TBL1Y: variants seen among roughly 807,000 people sequenced by gnomAD.
The protein encoded by TBL1Y is transducin beta like 1 Y-linked.
Under a neutral mutation model 12.0 loss-of-function variants are expected in TBL1Y, and 15 were observed. That is an observed-to-expected ratio of 1.25 (90% CI 0.83 to 1.92). TBL1Y has a LOEUF of 1.92. Among genes scored for constraint, TBL1Y ranks in the 40% most tolerant of loss-of-function variants. The pLI is 0.00. For synonymous variants in TBL1Y, 53 were observed against 42.6 expected (o/e 1.24, Z -0.95); for missense variants, 148 against 116.7 (o/e 1.27, Z -1.24).
At chrY:6,979,836 C>G in intron 3 of TBL1Y, among the ~76,000 whole-genome samples, 1 of 33,407 alleles carries the variant, frequency 3.0e-5, no homozygotes, top group Non-Finnish European at 7.4e-5. Context: ...CGCCACCACA[C>G]CCACCTAATT....
chrY:6,941,837 C>T, intron 2 of TBL1Y, among the ~76,000 whole-genome samples: 1 of 32,914 alleles, frequency 3.0e-5, no homozygotes, highest in Non-Finnish European at 7.4e-5. Flanking sequence ...TTTAATCTTC[C>T]CTGGTTTCCA....
intron 17 of TBL1Y, among the ~76,000 whole-genome samples, chrY:7,089,253 A>T: frequency 5.8e-5 from 2 of 34,397 alleles, no homozygotes; most frequent in African/African-American, 2.3e-4. Context: ...TCTTTCAAAC[A>T]TAAAATTACA....
intron 3 of TBL1Y, among the ~76,000 whole-genome samples, chrY:6,994,435 G>A: frequency 9.0e-5 from 3 of 33,401 alleles, no homozygotes; most frequent in Admixed American, 2.7e-4. Context: ...TTTCACATGC[G>A]TTCTGTGGTT....
intron 8 of TBL1Y, among the ~76,000 whole-genome samples, chrY:7,064,420 G>C: frequency 3.0e-5 from 1 of 33,140 alleles, no homozygotes; most frequent in African/African-American, 1.2e-4. Context: ...ACATGGTTAT[G>C]GCCCATCATA....
At chrY:6,942,069 C>T (rs909527407) in intron 2 of TBL1Y, among the ~76,000 whole-genome samples, 16 of 32,929 alleles carry the variant, frequency 4.9e-4, no homozygotes, top group African/African-American at 1.9e-3. Flanking sequence ...GCAGGAGAAT[C>T]GCTGGAACCC....
intron 16 of TBL1Y, 36 bp downstream of exon 16, chrY:7,086,453 C>T: frequency 2.7e-6 from 1 of 366,726 alleles, no homozygotes; most frequent in Non-Finnish European, 3.8e-6. Flanking sequence ...CAGCTCCGCC[C>T]TACACAACGA....
intron 16 of TBL1Y, 106 bp downstream of exon 16, chrY:7,086,523 C>A: frequency 8.2e-6 from 2 of 243,411 alleles, no homozygotes; most frequent in African/African-American, 1.6e-4. Flanking sequence ...TCAGAGGAAA[C>A]AAAGTGGTAG....
chrY:6,918,273 C>T, intron 2 of TBL1Y, among the ~76,000 whole-genome samples: 1 of 29,929 alleles, frequency 3.3e-5, no homozygotes, highest in South Asian at 8.2e-4. Flanking sequence ...TCTTTGAGCA[C>T]ATCGGAGAGT....
rs762628247 is a variant in TBL1Y at position 7,071,727 on chromosome Y, T to C, written c.797-6T>C. 2.5e-6 allele frequency: 1 copy of C among 396,277 alleles called. No homozygotes were observed. Among genetic ancestry groups the C allele is most frequent in the Non-Finnish European group, 3.5e-6 (1 of 281,864 alleles). ...ACAGAATCAACATGTTTGTTTTTAC[T>C]AACAGGTAACCTGGCCAGCACCTTA... On this transcript the variant is annotated splice_region_variant and splice_polypyrimidine_tract_variant and intron_variant, in intron 11 of 18. Coordinates refer to ENST00000383032, the MANE Select transcript of TBL1Y (RefSeq NM_033284.2).
At chrY:7,012,230 A>G (rs2012523643) in intron 4 of TBL1Y, among the ~76,000 whole-genome samples, 2 of 34,007 alleles carry the variant, frequency 5.9e-5, no homozygotes, top group Admixed American at 5.3e-4. Context: ...CTTATATTTA[A>G]AAGGGAAAGA....
At chrY:7,042,153 TGG>T (rs2012725442) in intron 6 of TBL1Y, among the ~76,000 whole-genome samples, 1 of 32,680 alleles carries the variant, frequency 3.1e-5, no homozygotes, top group African/African-American at 1.2e-4. Flanking sequence ...CTTTGGACTT[TGG>T]GTTGTAATGC....
intron 7 of TBL1Y, among the ~76,000 whole-genome samples, chrY:7,062,473 G>C: frequency 3.0e-5 from 1 of 33,514 alleles, no homozygotes; most frequent in Non-Finnish European, 7.4e-5. Flanking sequence ...CCTATGTTTA[G>C]TCCTTTCATT....
chrY:6,921,432 T>C, intron 2 of TBL1Y, among the ~76,000 whole-genome samples: 1 of 33,110 alleles, frequency 3.0e-5, no homozygotes, highest in Non-Finnish European at 7.4e-5. Flanking sequence ...GGCTTTTAGC[T>C]CCCAACAGTG....
chrY:7,083,817 C>T (rs1050878908), intron 14 of TBL1Y, among the ~76,000 whole-genome samples: 2 of 32,068 alleles, frequency 6.2e-5, no homozygotes, highest in Non-Finnish European at 7.6e-5. Flanking sequence ...CCCTCCCCTC[C>T]ATCCCAGCAG....
intron 2 of TBL1Y, among the ~76,000 whole-genome samples, chrY:6,932,414 A>G (rs2011871081): frequency 2.9e-5 from 1 of 34,240 alleles, no homozygotes; most frequent in Non-Finnish European, 7.3e-5. Context: ...TCATTCAATG[A>G]GTTTTAGTAA....
intron 2 of TBL1Y, among the ~76,000 whole-genome samples, chrY:6,915,316 C>T (rs781582559): frequency 5.9e-4 from 20 of 33,788 alleles, no homozygotes; most frequent in African/African-American, 2.1e-3. Flanking sequence ...ATAAAGAATC[C>T]TTCCAACAAG....
Position 6,955,926 on chromosome Y carries a change from T to G in TBL1Y, c.-265-22287T>G, listed in dbSNP as rs766871793. 1.7e-3 allele frequency among the ~76,000 whole-genome samples: 58 copies of G among 33,924 alleles called. No homozygotes were observed. In the East Asian group the frequency reaches 0.045, roughly 27 times the overall value. 91.0% of individuals were successfully genotyped at this position (33,924 alleles called of 37,273 possible). On this transcript the variant is annotated intron_variant, in intron 2 of 18. Transcript: ENST00000383032. ...CTACCTTTGTAATTTCTTGTTAATA[T>G]GTGGCCAACTATTAGTTACAAAATG...
intron 2 of TBL1Y, among the ~76,000 whole-genome samples, chrY:6,967,872 C>T (rs547400872): frequency 3.0e-5 from 1 of 33,762 alleles, no homozygotes; most frequent in African/African-American, 1.2e-4. Flanking sequence ...TGTGCACTTG[C>T]CTTAGTGTCC....
At chrY:7,018,988 T>C (rs1008303090) in intron 4 of TBL1Y, among the ~76,000 whole-genome samples, 1 of 33,142 alleles carries the variant, frequency 3.0e-5, no homozygotes, top group Non-Finnish European at 7.4e-5. Context: ...CTTCAAAACC[T>C]CTCCACATTC....
Sources: gnomAD v4.1 joint callset for allele counts (sites outside exome capture counted in the v4.1 genomes callset) on GRCh38, gnomAD v4.1.1 for gene constraint, MANE v1.5 for transcripts, NCBI Gene and HGNC (gene_info 2026-07-23, HGNC 2026-07-21) for gene names.